ASB3: variants seen among roughly 807,000 people sequenced by gnomAD.
ASB3 encodes ankyrin repeat and SOCS box containing 3.
ASB3 carries 41 observed loss-of-function variants against 54.5 expected under a neutral mutation model. The observed-to-expected ratio is 0.75, with a 90% confidence interval of 0.59 to 0.98. The LOEUF (loss-of-function observed/expected upper bound fraction) is 0.98, where lower values mean the gene tolerates loss of function less well. Ranked by LOEUF, ASB3 falls within the 50% of genes least tolerant of loss-of-function variation. The pLI is 0.00. For missense variants in ASB3, 733 were observed against 620.0 expected (o/e 1.18, Z -1.94); for synonymous variants, 266 against 221.2 (o/e 1.20, Z -1.80).
intron 5 of ASB3, among the ~76,000 whole-genome samples, chr2:53,721,397 A>G (rs1670702438): frequency 1.7e-5 from 2 of 114,524 alleles, no homozygotes; most frequent in Non-Finnish European, 3.5e-5. Flanking sequence ...CTACTAAACT[A>G]CAAAAAAAAA....
At chr2:53,770,023 G>A (rs1329700658) in intron 1 of ASB3, among the ~76,000 whole-genome samples, 1 of 152,086 alleles carries the variant, frequency 6.6e-6, no homozygotes, top group African/African-American at 2.4e-5. Context: ...CTTCTCCACA[G>A]CACACAGTAG....
chr2:53,686,919 C>T (rs1668663480), intron 9 of ASB3, among the ~76,000 whole-genome samples: 1 of 152,110 alleles, frequency 6.6e-6, no homozygotes, highest in African/African-American at 2.4e-5. Flanking sequence ...CAGGTTTCTC[C>T]ATGTTTGTCA....
intron 3 of ASB3, among the ~76,000 whole-genome samples, chr2:53,747,219 T>C (rs971088978): frequency 6.6e-6 from 1 of 152,144 alleles, no homozygotes. Flanking sequence ...GGAATATCAA[T>C]GTTTCTGGAG....
intron 2 of ASB3, among the ~76,000 whole-genome samples, chr2:53,753,223 A>T (rs1672623161): frequency 6.6e-6 from 1 of 152,256 alleles, no homozygotes; most frequent in African/African-American, 2.4e-5. Flanking sequence ...AAACTGTAAG[A>T]CTAAAGACAA....
intron 2 of ASB3, chr2:53,756,948 G>A (rs925498966): frequency 3.1e-5 from 5 of 162,946 alleles, no homozygotes; most frequent in Non-Finnish European, 3.9e-5. Flanking sequence ...GCTGAACAGA[G>A]CTGTAACACT....
chr2:53,717,133 A>T lies in ASB3; in HGVS notation c.605-390T>A, dbSNP rs1216671283. On this transcript the variant is annotated intron_variant, in intron 5 of 9. Coordinates refer to ENST00000263634, the MANE Select transcript of ASB3 (RefSeq NM_016115.5). ...TTAGAATTCATTTTTAAGCTAAAAC[A>T]AAAATCCTATTCAATGAAGGATACA... 2.0e-5 allele frequency among the ~76,000 whole-genome samples: 3 copies of T among 152,342 alleles called. No homozygotes were observed. The East Asian group carries it at 5.8e-4, about 29-fold the overall frequency.
At chr2:53,675,871 T>C (rs1432033912) in intron 9 of ASB3, among the ~76,000 whole-genome samples, 1 of 152,192 alleles carries the variant, frequency 6.6e-6, no homozygotes, top group Non-Finnish European at 1.5e-5. Context: ...ATAGCAAAAG[T>C]TTCTTTCATT....
At chr2:53,768,007 G>A (rs745971956) in intron 1 of ASB3, 6 of 1,613,596 alleles carry the variant, frequency 3.7e-6, no homozygotes, top group Non-Finnish European at 4.2e-6. Flanking sequence ...GGACCACCGC[G>A]GGGTCCCCGG....
At chr2:53,773,810 G>A (rs1674125087) in intron 1 of ASB3, among the ~76,000 whole-genome samples, 2 of 151,946 alleles carry the variant, frequency 1.3e-5, no homozygotes, top group South Asian at 4.2e-4. Context: ...CGAGGCAGGT[G>A]GATCACTTGA....
intron 1 of ASB3, among the ~76,000 whole-genome samples, chr2:53,779,031 A>G (rs1254040867): frequency 6.6e-6 from 1 of 152,198 alleles, no homozygotes; most frequent in Non-Finnish European, 1.5e-5. Context: ...CTTTCTCCAC[A>G]TGCCTTGCCA....
intron 9 of ASB3, among the ~76,000 whole-genome samples, chr2:53,675,790 A>G (rs1668053690): frequency 1.3e-5 from 2 of 152,214 alleles, no homozygotes; most frequent in South Asian, 4.1e-4. Flanking sequence ...GGTGATATAT[A>G]CTACTTTTCA....
rs79075271 is a variant in ASB3 at position 53,690,247 on chromosome 2, A to T, written c.1369+3637T>A. Among the ~76,000 whole-genome samples, 209 of 151,980 alleles carry T rather than the reference A, an allele frequency of 1.4e-3. 1 individual carries two copies. The highest frequency in any genetic ancestry group is 2.5e-3 in the Non-Finnish European group (167 of 67,984). On this transcript the variant is annotated intron_variant, in intron 9 of 9. Transcript: ENST00000263634. ...CAAGACCCTGTCCCCCCAAATAAAT[A>T]AATAAATTAATTAATTAATTAATTA...
At chr2:53,771,236 C>A (rs1187225207) in intron 1 of ASB3, among the ~76,000 whole-genome samples, 1 of 152,062 alleles carries the variant, frequency 6.6e-6, no homozygotes. Context: ...AACTATAGGC[C>A]GGGTGCGGTG....
In ASB3 at chr2:53,761,752, T is replaced by C. The variant is rs183763028; in HGVS notation, c.196+3625A>G. ...TAGTAAATCCCCTCTTGTCTATCTATATATATTCTATTGGTTCTATTTCTC... is the reference window on the plus strand; with the variant it reads ...TAGTAAATCCCCTCTTGTCTATCTACATATATTCTATTGGTTCTATTTCTC... On this transcript the variant is annotated intron_variant, in intron 2 of 9. Coordinates refer to ENST00000263634, the MANE Select transcript of ASB3 (RefSeq NM_016115.5). Among the ~76,000 whole-genome samples, 13 of 152,332 alleles carry C rather than the reference T, an allele frequency of 8.5e-5. No individual in the cohort carries two copies. The East Asian group carries it at 1.4e-3, about 16-fold the overall frequency.
At chr2:53,703,300 C>T (rs1424289265) in intron 7 of ASB3, among the ~76,000 whole-genome samples, 1 of 152,202 alleles carries the variant, frequency 6.6e-6, no homozygotes, top group African/African-American at 2.4e-5. Flanking sequence ...ACAAAAACTG[C>T]TTTTGTTGCA....
chr2:53,758,051 G>C (rs912922328), intron 2 of ASB3, among the ~76,000 whole-genome samples: 2 of 152,182 alleles, frequency 1.3e-5, no homozygotes, highest in African/African-American at 2.4e-5. Context: ...GAAAAAGAGA[G>C]ATAGAAGTAG....
At chr2:53,772,729 CATGTGCAGG>C (rs914314141) in intron 1 of ASB3, among the ~76,000 whole-genome samples, 19 of 152,254 alleles carry the variant, frequency 1.2e-4, no homozygotes, top group African/African-American at 4.3e-4. Flanking sequence ...TTCAGGAGTA[CATGTGCAGG>C]ATGTGCAAGT....
intron 5 of ASB3, among the ~76,000 whole-genome samples, chr2:53,721,398 C>CAAAAAAAAAAAAA (rs1195017138): frequency 1.1e-5 from 1 of 87,380 alleles, no homozygotes. Flanking sequence ...TACTAAACTA[C>CAAAAAAAAAAAAA]AAAAAAAAAA....
Position 53,786,844 on chromosome 2 carries a change from C to T in ASB3, c.-37G>A, listed in dbSNP as rs545909283. 86 of 221,054 alleles carry T rather than the reference C, an allele frequency of 3.9e-4. 1 individual carries two copies. The highest frequency in any genetic ancestry group is 2.0e-3 in the African/African-American group (86 of 43,926). The allele number at this position is 221,054 out of a possible 1,614,324, so 13.7% of individuals were successfully genotyped here. On this transcript the variant is annotated 5_prime_UTR_variant, in exon 1 of 10. Coordinates refer to ENST00000263634, the MANE Select transcript of ASB3 (RefSeq NM_016115.5). ...ACCTGCCGTGCTGCCACTTCTACACCGAAATGGCTGGTCCGAGGCCGCGTC... is the reference window on the plus strand; with the variant it reads ...ACCTGCCGTGCTGCCACTTCTACACTGAAATGGCTGGTCCGAGGCCGCGTC...
Sources: gnomAD v4.1 joint callset for allele counts (sites outside exome capture counted in the v4.1 genomes callset) on GRCh38, gnomAD v4.1.1 for gene constraint, MANE v1.5 for transcripts, NCBI Gene and HGNC (gene_info 2026-07-23, HGNC 2026-07-21) for gene names.